The following MBTPS1 variants were observed in gnomAD, a reference collection of about 807,000 sequenced individuals.
The protein encoded by MBTPS1 is membrane bound transcription factor peptidase, site 1.
Under a neutral mutation model 127.8 loss-of-function variants are expected in MBTPS1, and 94 were observed. That is an observed-to-expected ratio of 0.74 (90% CI 0.62 to 0.87). The LOEUF is 0.87. Among genes scored for constraint, MBTPS1 ranks in the 40% least tolerant of loss-of-function variants. The probability of loss-of-function intolerance (pLI) is 0.00; values close to 1 mark genes in which losing one functional copy is unlikely to be tolerated. For missense variants in MBTPS1, 1,636 were observed against 1,353.2 expected (o/e 1.21, Z -3.28); for synonymous variants, 632 against 509.4 (o/e 1.24, Z -3.24).
Position 84,056,143 on chromosome 16 carries a change from A to C in MBTPS1, c.2832-8T>G, listed in dbSNP as rs1411892047. ...TGATGTTTCCAAAGGTTACTTCAGG[A>C]AAATGGATTAAAACAAAACAAAAAT... On this transcript the variant is annotated splice_region_variant and splice_polypyrimidine_tract_variant and intron_variant, in intron 21 of 22. Transcript: ENST00000343411. 2 of 1,612,174 alleles carry C rather than the reference A, an allele frequency of 1.2e-6. No individual in the cohort carries two copies. Among genetic ancestry groups the C allele is most frequent in the Admixed American group, 3.3e-5 (2 of 59,974 alleles).
chr16:84,078,259 T>C (rs1207887441), intron 11 of MBTPS1, among the ~76,000 whole-genome samples: 1 of 151,694 alleles, frequency 6.6e-6, no homozygotes, highest in African/African-American at 2.4e-5. Flanking sequence ...CCACCTTACC[T>C]AAGTTACCTG....
Position 84,087,395 on chromosome 16 carries a change from T to G in MBTPS1, c.1097A>C (p.Asn366Thr). ...IGVGGIDFED[N>T]IARFSSRGMT... is the part of the protein sequence containing the mutation. ...TCCCCTTGAAGAAAAGCGGGCGATG[T>G]TATCTTCAAAGTCAATGCCGCCTAC... The change falls in exon 9 of 23, where the codon AAC becomes ACC. Residue 366 changes from asparagine to threonine, a missense_variant. Physicochemically the swap from Asn to Thr is moderately conservative, Grantham distance 65. Coordinates refer to ENST00000343411, the MANE Select transcript of MBTPS1 (RefSeq NM_003791.4). The G allele has an allele frequency of 6.2e-7, 1 of 1,612,724 alleles. No homozygotes were observed. Among genetic ancestry groups the G allele is most frequent in the Non-Finnish European group, 8.5e-7 (1 of 1,179,786 alleles).
At chr16:84,099,874 T>C (rs2086230685) in intron 2 of MBTPS1, among the ~76,000 whole-genome samples, 1 of 151,954 alleles carries the variant, frequency 6.6e-6, no homozygotes, top group South Asian at 2.1e-4. Context: ...AGCAAATACC[T>C]ACAGAAGTTT....
At chr16:84,075,859 G>C (rs1434803199) in intron 11 of MBTPS1, among the ~76,000 whole-genome samples, 1 of 152,132 alleles carries the variant, frequency 6.6e-6, no homozygotes, top group East Asian at 1.9e-4. Flanking sequence ...AAAAGAAAAA[G>C]AAAAGGAAAT....
intron 20 of MBTPS1, chr16:84,060,055 G>C (rs1024412430): frequency 6.5e-6 from 1 of 152,742 alleles, no homozygotes; most frequent in African/African-American, 2.4e-5. Flanking sequence ...TCTACGGGCA[G>C]CGCTGTAAGG....
chr16:84,100,313 T>G (rs2086235949), intron 2 of MBTPS1, among the ~76,000 whole-genome samples: 1 of 151,714 alleles, frequency 6.6e-6, no homozygotes, highest in African/African-American at 2.4e-5. Flanking sequence ...GGGAGGCCAA[T>G]GCAGGAGGAT....
intron 3 of MBTPS1, among the ~76,000 whole-genome samples, chr16:84,098,623 T>A (rs553145324): frequency 6.6e-6 from 1 of 151,154 alleles, no homozygotes; most frequent in Non-Finnish European, 1.5e-5. Context: ...AATAAATAAA[T>A]AAAAAGGAAA....
At chr16:84,079,332 A>G (rs1299497695) in intron 11 of MBTPS1, among the ~76,000 whole-genome samples, 1 of 152,214 alleles carries the variant, frequency 6.6e-6, no homozygotes, top group East Asian at 1.9e-4. Flanking sequence ...ACAAACGAAC[A>G]CATCCTTAGA....
chr16:84,067,615 G>A, intron 16 of MBTPS1, 52 bp downstream of exon 16: 1 of 1,396,014 alleles, frequency 7.2e-7, no homozygotes, highest in Non-Finnish European at 1.0e-6. Context: ...TTGCTGGGTA[G>A]AATTTGATTC....
In MBTPS1 at chr16:84,060,697, G is replaced by C; in HGVS notation, c.2689C>G (p.Pro897Ala). Residue 897 changes from proline (P) to alanine (A), a missense_variant, in exon 20 of 23, where the codon CCA (proline) becomes GCA (alanine). By Grantham distance (27) the Pro-to-Ala change is conservative. Coordinates refer to ENST00000343411, the MANE Select transcript of MBTPS1 (RefSeq NM_003791.4). ...RPPSGAGSVT[P>A]ERMEGNHLHR... ...ATCCACTCACCTTCCATCCTCTCTGGAGTGACTGAGCCTGCTCCACTGGGA... is the reference window on the plus strand; with the variant it reads ...ATCCACTCACCTTCCATCCTCTCTGCAGTGACTGAGCCTGCTCCACTGGGA... 1 of 1,613,924 alleles carries C rather than the reference G, an allele frequency of 6.2e-7. No homozygotes were observed.
rs1484067345 is a variant in MBTPS1 at position 84,060,820 on chromosome 16, A to T, written c.2573-7T>A. The stretch of plus-strand genomic sequence containing the variant: ...TCCAGAAGCCAAAAGCAGTCTGCGA[A>T]GTCAACAAGCCTGTTTAGGAATTCC... On this transcript the variant is annotated splice_polypyrimidine_tract_variant and splice_region_variant and intron_variant, in intron 19 of 22. Transcript: ENST00000343411. 1 of 1,566,816 alleles carries T rather than the reference A, an allele frequency of 6.4e-7. No homozygotes were observed. The highest frequency in any genetic ancestry group is 8.7e-7 in the Non-Finnish European group (1 of 1,155,686).
chr16:84,056,353 T>C (rs971581792), intron 21 of MBTPS1: 2 of 493,876 alleles, frequency 4.0e-6, no homozygotes, highest in East Asian at 3.5e-5. Context: ...TCCCTGTTCA[T>C]GAGATTCTAC....
At chr16:84,095,318 C>G (rs1024137832) in intron 4 of MBTPS1, among the ~76,000 whole-genome samples, 3 of 152,198 alleles carry the variant, frequency 2.0e-5, no homozygotes, top group Admixed American at 2.0e-4. Flanking sequence ...CCACAGCCTT[C>G]CCTTCTAACC....
At chr16:84,091,353 G>T (rs1042820496) in intron 7 of MBTPS1, among the ~76,000 whole-genome samples, 2 of 152,038 alleles carry the variant, frequency 1.3e-5, no homozygotes, top group East Asian at 3.9e-4. Flanking sequence ...GGGCATGGTG[G>T]TGTGCACCTG....
intron 12 of MBTPS1, among the ~76,000 whole-genome samples, chr16:84,071,360 G>C (rs990826738): frequency 3.9e-5 from 6 of 152,138 alleles, no homozygotes; most frequent in Admixed American, 3.9e-4. Flanking sequence ...GCAACTAACC[G>C]GTATTTCAGA....
intron 8 of MBTPS1, among the ~76,000 whole-genome samples, chr16:84,088,927 A>G (rs565491924): frequency 6.6e-6 from 1 of 152,290 alleles, no homozygotes; most frequent in Admixed American, 6.5e-5. Context: ...CGTACACACA[A>G]GGTGGAGATG....
chr16:84,054,837 G>C (rs2085496556), intron 22 of MBTPS1, among the ~76,000 whole-genome samples, 192 bp from the exon 23 acceptor site: 2 of 152,218 alleles, frequency 1.3e-5, no homozygotes, highest in South Asian at 4.1e-4. Context: ...TGAGAGCAAA[G>C]AGCAGCCACT....
chr16:84,111,494 CTG>C (rs1033356328), intron 1 of MBTPS1, among the ~76,000 whole-genome samples: 2 of 151,492 alleles, frequency 1.3e-5, no homozygotes, highest in African/African-American at 4.9e-5. Flanking sequence ...TGAGCCAAGA[CTG>C]TGCCACTGCA....
intron 15 of MBTPS1, 35 bp from the exon 16 acceptor site, chr16:84,067,858 C>G (rs1258597014): frequency 1.0e-5 from 16 of 1,587,088 alleles, no homozygotes; most frequent in African/African-American, 1.3e-5. Context: ...GGAACTGTCA[C>G]TTCTGAATGA....
Sources: allele counts gnomAD v4.1 joint callset (sites outside exome capture counted in the v4.1 genomes callset), GRCh38; gene constraint gnomAD v4.1.1; transcripts MANE v1.5; gene names NCBI Gene and HGNC (gene_info 2026-07-23, HGNC 2026-07-21).